Variants in COL28A1 observed in about 807,000 individuals in gnomAD.
COL28A1 encodes collagen type XXVIII alpha 1 chain, also known as collagen alpha-1(XXVIII) chain.
Under a neutral mutation model 150.2 loss-of-function variants are expected in COL28A1, and 161 were observed. The ratio of observed to expected loss-of-function variants is 1.07; its 90% CI spans 0.94 to 1.22. COL28A1 has a LOEUF of 1.22. Ranked by LOEUF, COL28A1 falls within the 50% of genes most tolerant of loss-of-function variation. The probability of loss-of-function intolerance (pLI) is 0.00; values close to 1 mark genes in which losing one functional copy is unlikely to be tolerated. For synonymous variants in COL28A1, 552 were observed against 469.7 expected, an observed-to-expected ratio of 1.18 and a Z score of -2.26; for missense variants, 1,617 against 1,388.3, an observed-to-expected ratio of 1.16 and a Z score of -2.62.
At chr7:7,429,817 C>G (rs79255499) in intron 25 of COL28A1, among the ~76,000 whole-genome samples, 23 of 152,162 alleles carry the variant, frequency 1.5e-4, no homozygotes, top group Non-Finnish European at 2.9e-4. Flanking sequence ...TCTTCTCCCC[C>G]GGGCTCTGCC....
chr7:7,477,568 C>T (rs994112562), intron 13 of COL28A1, among the ~76,000 whole-genome samples: 9 of 152,176 alleles, frequency 5.9e-5, no homozygotes, highest in Admixed American at 5.2e-4. Context: ...TAAAAGGCAG[C>T]GCGTCCAGAG....
At chr7:7,355,345 G>A (rs913441929), downstream of COL28A1, among the ~76,000 whole-genome samples, 9 of 152,236 alleles carry the variant, frequency 5.9e-5, no homozygotes, top group Admixed American at 2.0e-4. Flanking sequence ...GCCAGACACA[G>A]TGGCTCACAC....
At chr7:7,475,064 C>T (rs1788750370) in intron 14 of COL28A1, among the ~76,000 whole-genome samples, 4 of 151,978 alleles carry the variant, frequency 2.6e-5, no homozygotes, top group South Asian at 4.1e-4. Context: ...ATTTATTTCT[C>T]GTACTAATAT....
intron 18 of COL28A1, among the ~76,000 whole-genome samples, chr7:7,449,047 G>A (rs967886175): frequency 5.9e-5 from 9 of 152,070 alleles, no homozygotes; most frequent in Non-Finnish European, 8.8e-5. Flanking sequence ...CTTGATTGCA[G>A]TAATGATTCC....
Position 7,358,566 on chromosome 7 carries a change from G to T in COL28A1, c.*67C>A. 1 of 1,424,766 alleles carries T rather than the reference G, an allele frequency of 7.0e-7. No homozygotes were observed. The highest frequency in any genetic ancestry group is 2.3e-5 in the East Asian group (1 of 43,920). 88.3% of individuals were successfully genotyped at this position (1,424,766 alleles called of 1,614,324 possible). ...TACACTCAAATATAGTGCTGTATTT[G>T]TATTGGGTGAATATGTGGAAATTAG... On this transcript the variant is annotated 3_prime_UTR_variant, in exon 35 of 35. Coordinates refer to ENST00000399429, the MANE Select transcript of COL28A1 (RefSeq NM_001037763.3).
chr7:7,515,572 A>G (rs1395021407), intron 8 of COL28A1, among the ~76,000 whole-genome samples: 1 of 152,210 alleles, frequency 6.6e-6, no homozygotes, highest in Admixed American at 6.5e-5. Flanking sequence ...CTCTATTAAA[A>G]TAATTCATGT....
At chr7:7,428,339 A>G (rs28505765) in intron 25 of COL28A1, among the ~76,000 whole-genome samples, 28,729 of 152,054 alleles carry the variant, frequency 0.19, 3,445 homozygotes, top group African/African-American at 0.34. Context: ...CAGCTCCCTG[A>G]GAGGGCCTGA....
At chr7:7,477,577 A>G (rs1356384009) in intron 13 of COL28A1, among the ~76,000 whole-genome samples, 1 of 152,118 alleles carries the variant, frequency 6.6e-6, no homozygotes, top group Non-Finnish European at 1.5e-5. Context: ...GCGCGTCCAG[A>G]GTTTGTTCCT....
At chr7:7,423,596 A>AT (rs747279786) in intron 25 of COL28A1, among the ~76,000 whole-genome samples, 33 of 151,624 alleles carry the variant, frequency 2.2e-4, no homozygotes, top group Non-Finnish European at 2.4e-4. Flanking sequence ...AGAAGGCAAG[A>AT]TTTTTTTTTA....
intron 15 of COL28A1, among the ~76,000 whole-genome samples, chr7:7,458,422 A>C (rs1327870696): frequency 6.6e-6 from 1 of 152,136 alleles, no homozygotes; most frequent in Non-Finnish European, 1.5e-5. Flanking sequence ...TGTCTCAAAA[A>C]AAAACAAAAC....
At chr7:7,519,365 C>T (rs987626792) in intron 6 of COL28A1, among the ~76,000 whole-genome samples, 17 of 152,300 alleles carry the variant, frequency 1.1e-4, no homozygotes, top group African/African-American at 3.4e-4. Flanking sequence ...ATGGGAGCTA[C>T]GTACAATTCA....
chr7:7,360,524 C>T lies in COL28A1; in HGVS notation c.3071G>A (p.Ser1024Asn), dbSNP rs756305068. 1 of 1,595,162 alleles carries T rather than the reference C, an allele frequency of 6.3e-7. No individual in the cohort carries two copies. The highest frequency in any genetic ancestry group is 2.3e-5 in the East Asian group (1 of 44,122). Residue 1024 changes from serine (S) to asparagine (N), a missense_variant, in exon 34 of 35, where the codon AGT (serine) becomes AAT (asparagine). Coordinates refer to ENST00000399429, the MANE Select transcript of COL28A1 (RefSeq NM_001037763.3). ...EPQKEISESL[S>N]VTRDQDEDDK... The stretch of plus-strand genomic sequence containing the variant: ...ATCTTCATCCTGGTCTCTGGTGACA[C>T]TCAACTACACAAAAATATTCACATT...
chr7:7,451,771 G>A (rs913125652), intron 18 of COL28A1, among the ~76,000 whole-genome samples: 2 of 152,048 alleles, frequency 1.3e-5, no homozygotes, highest in African/African-American at 4.8e-5. Flanking sequence ...ATGTAAAAAT[G>A]GCAGCTATTA....
intron 13 of COL28A1, among the ~76,000 whole-genome samples, chr7:7,478,913 G>A (rs1375863893): frequency 4.6e-5 from 7 of 152,216 alleles, no homozygotes; most frequent in Non-Finnish European, 1.0e-4. Flanking sequence ...GGTTCCACCC[G>A]TGCCTCTCCC....
intron 31 of COL28A1, among the ~76,000 whole-genome samples, chr7:7,374,822 G>C (rs1232756418): frequency 6.6e-6 from 1 of 152,256 alleles, no homozygotes; most frequent in African/African-American, 2.4e-5. Context: ...TCTCTGTATA[G>C]AAGGACAATA....
chr7:7,446,926 C>T (rs10228597), intron 18 of COL28A1, among the ~76,000 whole-genome samples: 31,936 of 151,856 alleles, frequency 0.21, 4,548 homozygotes, highest in African/African-American at 0.41. Flanking sequence ...GAGTATTCAG[C>T]TGAATATTGC....
At chr7:7,513,536 C>G (rs1781263125) in intron 8 of COL28A1, among the ~76,000 whole-genome samples, 1 of 152,206 alleles carries the variant, frequency 6.6e-6, no homozygotes, top group Non-Finnish European at 1.5e-5. Flanking sequence ...GTGAGTCAAA[C>G]TGACCCAGGA....
rs551893762 is a variant in COL28A1, at chr7:7,497,351, T to C, written c.1027-6705A>G. 1.4e-4 allele frequency among the ~76,000 whole-genome samples: 21 copies of C among 152,332 alleles called. No homozygotes were observed. The South Asian group carries it at 3.7e-3, about 27-fold the overall frequency. On this transcript the variant is annotated intron_variant, in intron 11 of 34. Coordinates refer to ENST00000399429, the MANE Select transcript of COL28A1 (RefSeq NM_001037763.3). ...TTACTATGCAAGAAGTGCTGCTCTA[T>C]GTGACTGACGTGTATTAACTCATTT...
chr7:7,453,637 C>T, intron 16 of COL28A1, 129 bp from the exon 17 acceptor site: 1 of 624,766 alleles, frequency 1.6e-6, no homozygotes, highest in Non-Finnish European at 2.7e-6. Context: ...AGTGGGGTGC[C>T]AGGGGCTGCT....
Sources: gnomAD v4.1 joint callset for allele counts (sites outside exome capture counted in the v4.1 genomes callset) on GRCh38, gnomAD v4.1.1 for gene constraint, MANE v1.5 for transcripts, NCBI Gene and HGNC (gene_info 2026-07-23, HGNC 2026-07-21) for gene names.